Variants in CLVS1 observed in about 807,000 individuals in gnomAD.
The protein encoded by CLVS1 is clavesin 1.
In CLVS1, 10 loss-of-function variants were observed where a neutral mutation model predicts 33.1. The ratio of observed to expected loss-of-function variants is 0.30; its 90% CI spans 0.19 to 0.51. CLVS1 has a LOEUF of 0.51. Among genes scored for constraint, CLVS1 ranks in the 20% least tolerant of loss-of-function variants. The pLI is 0.97. For missense variants in CLVS1, 343 were observed against 433.4 expected, an observed-to-expected ratio of 0.79 and a Z score of 1.85; for synonymous variants, 163 against 166.1, an observed-to-expected ratio of 0.98 and a Z score of 0.14.
intron 2 of CLVS1, among the ~76,000 whole-genome samples, chr8:61,316,770 G>T (rs1049856552): frequency 6.6e-6 from 1 of 152,190 alleles, no homozygotes; most frequent in Non-Finnish European, 1.5e-5. Flanking sequence ...TGTGATGAGA[G>T]CTCAGGTGCC....
intron 2 of CLVS1, among the ~76,000 whole-genome samples, chr8:61,261,996 G>GTGTGTA (rs1554551268): frequency 7.1e-6 from 1 of 140,668 alleles, no homozygotes; most frequent in Non-Finnish European, 1.6e-5. Flanking sequence ...GTGTGTGTGT[G>GTGTGTA]TGTGTGTGTG....
At chr8:61,201,710 G>A (rs553802185) in intron 2 of CLVS1, among the ~76,000 whole-genome samples, 3 of 146,504 alleles carry the variant, frequency 2.0e-5, no homozygotes, top group East Asian at 2.0e-4. Flanking sequence ...CTGACAATTC[G>A]AATCCCAGTT....
the CLVS1 span, among the ~76,000 whole-genome samples, chr8:61,047,260 C>A: frequency 6.6e-6 from 1 of 152,160 alleles, no homozygotes; most frequent in Non-Finnish European, 1.5e-5. Context: ...CAATGAGATA[C>A]CATCTCACAA....
chr8:61,322,264 ATTAC>A (rs1202261480), intron 2 of CLVS1, among the ~76,000 whole-genome samples: 2 of 152,176 alleles, frequency 1.3e-5, no homozygotes, highest in East Asian at 3.8e-4. Flanking sequence ...TCTAATATTC[ATTAC>A]AGGCATGTAG....
the CLVS1 span, among the ~76,000 whole-genome samples, chr8:61,041,621 C>G: frequency 6.6e-5 from 10 of 152,058 alleles, no homozygotes. Flanking sequence ...TGATTTGGCT[C>G]TCTGCTTGAA....
chr8:61,081,253 A>G (rs1805015403), intron 1 of CLVS1, among the ~76,000 whole-genome samples: 1 of 152,142 alleles, frequency 6.6e-6, no homozygotes, highest in Non-Finnish European at 1.5e-5. Context: ...AAGAAGAGAG[A>G]GCAGAAGGAA....
chr8:61,227,014 A>C (rs1212719088), intron 2 of CLVS1, among the ~76,000 whole-genome samples: 1 of 125,284 alleles, frequency 8.0e-6, no homozygotes, highest in Non-Finnish European at 1.7e-5. Context: ...CTTCAGTGTT[A>C]AGTTTAGCTT....
chr8:61,402,876 T>C (rs1404235492), intron 3 of CLVS1, among the ~76,000 whole-genome samples: 5 of 152,204 alleles, frequency 3.3e-5, no homozygotes, highest in Non-Finnish European at 7.4e-5. Flanking sequence ...AGATAAAGGA[T>C]ACATTGTGCA....
intron 1 of CLVS1, among the ~76,000 whole-genome samples, chr8:61,105,174 T>A (rs957286488): frequency 6.6e-6 from 1 of 152,238 alleles, no homozygotes; most frequent in African/African-American, 2.4e-5. Flanking sequence ...GAGATATTTT[T>A]AAATATAGAC....
intron 3 of CLVS1, chr8:61,390,992 T>C (rs1326959990): frequency 1.4e-5 from 2 of 145,028 alleles, no homozygotes; most frequent in African/African-American, 2.5e-5. Context: ...TTTTTTTTTG[T>C]ATTTTAACAT....
chr8:61,397,367 C>T (rs55890111), intron 3 of CLVS1, among the ~76,000 whole-genome samples: 85,940 of 152,002 alleles, frequency 0.57, 28,499 homozygotes, highest in Non-Finnish European at 0.73. Context: ...ATCATTTGTT[C>T]AAATCTTGTG....
At chr8:61,128,329 C>G (rs1305793884) in intron 1 of CLVS1, among the ~76,000 whole-genome samples, 3 of 152,202 alleles carry the variant, frequency 2.0e-5, no homozygotes, top group African/African-American at 7.2e-5. Context: ...TACTTTTCAT[C>G]ATCATTTGGA....
intron 3 of CLVS1, among the ~76,000 whole-genome samples, chr8:61,402,195 C>A (rs1182635471): frequency 6.6e-6 from 1 of 151,882 alleles, no homozygotes; most frequent in Non-Finnish European, 1.5e-5. Flanking sequence ...AAGCAAGAGA[C>A]CCTAAGGGCA....
intron 1 of CLVS1, among the ~76,000 whole-genome samples, chr8:61,064,331 T>C (rs1161273219): frequency 6.6e-6 from 1 of 152,212 alleles, no homozygotes; most frequent in African/African-American, 2.4e-5. Flanking sequence ...CATTTTATGC[T>C]TCAACAATGA....
chr8:61,118,481 T>C (rs904483055), intron 1 of CLVS1, among the ~76,000 whole-genome samples: 3 of 149,386 alleles, frequency 2.0e-5, no homozygotes, highest in Non-Finnish European at 4.4e-5. Flanking sequence ...CAATTTTGCA[T>C]CTTTCCTGCT....
rs1563392883 is a variant in CLVS1 at position 61,074,398 on chromosome 8, GTTA to G, written c.-243+17170_-243+17172del. Among the ~76,000 whole-genome samples the G allele has an allele frequency of 8.2e-5, 4 of 48,784 alleles. No individual in the cohort carries two copies. The African/African-American group carries it at 1.6e-3, about 20-fold the overall frequency. The allele number at this position is 48,784 out of a possible 152,430, so 32.0% of individuals were successfully genotyped here. Reference sequence around the variant, plus strand: ...TATAAGTATATGTGTATATATATATGTTATATATATATAAGTATATGTGTATAT... The same window carrying G: ...TATAAGTATATGTGTATATATATATGTATATATATAAGTATATGTGTATAT... On this transcript the variant is annotated intron_variant, in intron 1 of 2. Transcript: ENST00000522621.
At chr8:61,274,329 C>T (rs1350034034) in intron 2 of CLVS1, among the ~76,000 whole-genome samples, 2 of 151,990 alleles carry the variant, frequency 1.3e-5, no homozygotes, top group Admixed American at 6.6e-5. Context: ...TTTTTATATT[C>T]CCTGCATTGA....
chr8:61,181,663 C>T (rs1328011667), intron 2 of CLVS1, among the ~76,000 whole-genome samples: 2 of 149,212 alleles, frequency 1.3e-5, no homozygotes, highest in African/African-American at 2.4e-5. Context: ...ACAGAGACCC[C>T]AGAAATTATA....
At chr8:61,415,903 A>G (rs560910600) in intron 3 of CLVS1, among the ~76,000 whole-genome samples, 129 of 152,288 alleles carry the variant, frequency 8.5e-4, no homozygotes, top group African/African-American at 3.0e-3. Flanking sequence ...GTGCATGAAT[A>G]CACACTAACA....
Sources: gnomAD v4.1 joint callset for allele counts (sites outside exome capture counted in the v4.1 genomes callset) on GRCh38, gnomAD v4.1.1 for gene constraint, MANE v1.5 for transcripts, NCBI Gene and HGNC (gene_info 2026-07-23, HGNC 2026-07-21) for gene names.